HCN1: variants seen among roughly 807,000 people sequenced by gnomAD.
The protein encoded by HCN1 is potassium/sodium hyperpolarization-activated cyclic nucleotide-gated channel 1.
Under a neutral mutation model 78.9 loss-of-function variants are expected in HCN1, and 13 were observed. The ratio of observed to expected loss-of-function variants is 0.16; its 90% CI spans 0.11 to 0.26. The LOEUF (loss-of-function observed/expected upper bound fraction) is 0.26. Ranked by LOEUF, HCN1 falls within the 10% of genes least tolerant of loss-of-function variation. The pLI is 1.00. For missense variants in HCN1, 810 were observed against 1,154.3 expected (o/e 0.70, Z 4.32); for synonymous variants, 552 against 455.5 (o/e 1.21, Z -2.70).
intron 1 of HCN1, among the ~76,000 whole-genome samples, chr5:45,683,795 C>A (rs1739751624): frequency 6.7e-6 from 1 of 148,896 alleles, no homozygotes; most frequent in Admixed American, 6.6e-5. Flanking sequence ...CCCAGCCTCC[C>A]AAGTTGCTGG....
intron 3 of HCN1, among the ~76,000 whole-genome samples, chr5:45,403,366 C>T (rs1739860837): frequency 6.6e-6 from 1 of 152,114 alleles, no homozygotes; most frequent in Non-Finnish European, 1.5e-5. Flanking sequence ...TAAAGATATA[C>T]CTGAGACTAG....
At chr5:45,607,646 T>C (rs1319426566) in intron 2 of HCN1, among the ~76,000 whole-genome samples, 3 of 150,458 alleles carry the variant, frequency 2.0e-5, no homozygotes, top group Non-Finnish European at 3.0e-5. Context: ...GAGAGAGTCA[T>C]CTTGATAAAT....
intron 6 of HCN1, among the ~76,000 whole-genome samples, chr5:45,283,912 T>C (rs1745217594): frequency 6.6e-6 from 1 of 152,020 alleles, no homozygotes; most frequent in Non-Finnish European, 1.5e-5. Flanking sequence ...CAATGACAGA[T>C]TGGATAAAGA....
chr5:45,683,952 T>A (rs927424980), intron 1 of HCN1, among the ~76,000 whole-genome samples: 1 of 151,876 alleles, frequency 6.6e-6, no homozygotes, highest in Non-Finnish European at 1.5e-5. Context: ...ATTACAGGCA[T>A]GAGCCACCGT....
At chr5:45,419,142 A>C (rs187081134) in intron 3 of HCN1, among the ~76,000 whole-genome samples, 1 of 152,284 alleles carries the variant, frequency 6.6e-6, no homozygotes, top group Admixed American at 6.5e-5. Flanking sequence ...CAAGCTTCCT[A>C]TGTTGAAAAA....
intron 3 of HCN1, among the ~76,000 whole-genome samples, chr5:45,404,693 C>CAAAAAAAAAAAAAAAAAA (rs60728403): frequency 6.6e-4 from 37 of 56,230 alleles, no homozygotes; most frequent in South Asian, 1.7e-3. Flanking sequence ...GGGCTATTTG[C>CAAAAAAAAAAAAAAAAAA]AAAAAAAAAA....
chr5:45,504,679 T>A lies in HCN1; in HGVS notation c.850-42672A>T, dbSNP rs1196653965. On this transcript the variant is annotated intron_variant, in intron 2 of 7. Transcript: ENST00000303230. Reference sequence around the variant, plus strand: ...AGATCCTTGAGGAATCACCACACTGTCTTCCACAATGGTTGAACTAGTTTA... The same window carrying A: ...AGATCCTTGAGGAATCACCACACTGACTTCCACAATGGTTGAACTAGTTTA... 3.0e-3 allele frequency among the ~76,000 whole-genome samples: 454 copies of A among 152,234 alleles called. 1 individual carries two copies. Among genetic ancestry groups the A allele is most frequent in the Non-Finnish European group, 4.9e-3 (336 of 67,996 alleles).
chr5:45,584,405 T>C (rs1744156465), intron 2 of HCN1, among the ~76,000 whole-genome samples: 1 of 152,188 alleles, frequency 6.6e-6, no homozygotes, highest in Admixed American at 6.5e-5. Flanking sequence ...CATCCTTTTA[T>C]TTTGAGCCTA....
At chr5:45,492,657 A>C (rs1179522903) in intron 2 of HCN1, among the ~76,000 whole-genome samples, 2 of 151,016 alleles carry the variant, frequency 1.3e-5, no homozygotes, top group Non-Finnish European at 3.0e-5. Context: ...CGCCCCATCA[A>C]GCCTGGCTAA....
intron 1 of HCN1, 63 bp downstream of exon 1, chr5:45,695,606 G>A: frequency 2.0e-6 from 3 of 1,538,414 alleles, no homozygotes; most frequent in East Asian, 4.6e-5. Flanking sequence ...CCACCCAAGG[G>A]CGGGGAAGCG....
chr5:45,264,205 C>CGA (rs1744808960), intron 7 of HCN1, among the ~76,000 whole-genome samples: 1 of 152,166 alleles, frequency 6.6e-6, no homozygotes, highest in African/African-American at 2.4e-5. Flanking sequence ...CTCTCAGCTC[C>CGA]CTCTAAGACC....
At chr5:45,577,930 G>T (rs1195026632) in intron 2 of HCN1, among the ~76,000 whole-genome samples, 1 of 152,004 alleles carries the variant, frequency 6.6e-6, no homozygotes, top group Non-Finnish European at 1.5e-5. Flanking sequence ...TAGGGTGGTT[G>T]GAAGTAGTGT....
intron 2 of HCN1, chr5:45,644,875 A>T (rs568323853): frequency 2.8e-5 from 11 of 392,552 alleles, no homozygotes; most frequent in African/African-American, 8.3e-5. Context: ...ATATTAGATT[A>T]AAAAAAACCA....
At chr5:45,558,520 A>G (rs1743522559) in intron 2 of HCN1, 1 of 152,176 alleles carries the variant, frequency 6.6e-6, no homozygotes, top group African/African-American at 2.4e-5. Context: ...AAATTGAAAT[A>G]TTGGAAAAAT....
chr5:45,338,157 A>T (rs1746503613), intron 5 of HCN1, among the ~76,000 whole-genome samples: 1 of 152,162 alleles, frequency 6.6e-6, no homozygotes, highest in African/African-American at 2.4e-5. Flanking sequence ...CTGATAATGA[A>T]TATAGACTAA....
At chr5:45,448,706 T>C (rs1236411948) in intron 3 of HCN1, among the ~76,000 whole-genome samples, 2 of 152,266 alleles carry the variant, frequency 1.3e-5, no homozygotes, top group African/African-American at 4.8e-5. Context: ...GAAATTATTC[T>C]ATTTTTGAAA....
rs530743951 is a variant in HCN1, at chr5:45,567,589, A to G, written c.849+77596T>C. ...CACACACACACACACACACACACAC[A>G]CACACACACACACACAGAGTTATAT... On this transcript the variant is annotated intron_variant, in intron 2 of 7. Coordinates refer to ENST00000303230, the MANE Select transcript of HCN1 (RefSeq NM_021072.4). Among the ~76,000 whole-genome samples the G allele has an allele frequency of 3.7e-3, 558 of 151,554 alleles. 2 individuals are homozygous for G. The highest frequency in any genetic ancestry group is 0.01 in the African/African-American group (417 of 41,338).
At chr5:45,335,740 C>A (rs997856710) in intron 5 of HCN1, among the ~76,000 whole-genome samples, 2 of 152,098 alleles carry the variant, frequency 1.3e-5, no homozygotes, top group Non-Finnish European at 2.9e-5. Context: ...GTGCCAGGCA[C>A]TTTTCTGCAT....
At chr5:45,356,015 G>A (rs1338832049) in intron 4 of HCN1, among the ~76,000 whole-genome samples, 2 of 151,892 alleles carry the variant, frequency 1.3e-5, no homozygotes, top group Non-Finnish European at 2.9e-5. Flanking sequence ...AAGAATGTAT[G>A]AAAATATCAC....
Sources: allele counts gnomAD v4.1 joint callset (sites outside exome capture counted in the v4.1 genomes callset), GRCh38; gene constraint gnomAD v4.1.1; transcripts MANE v1.5; gene names NCBI Gene and HGNC (gene_info 2026-07-23, HGNC 2026-07-21).